L1TD1: variants seen among roughly 807,000 people sequenced by gnomAD.
L1TD1 encodes the protein LINE1 type transposase domain containing 1, also known as LINE-1 type transposase domain-containing protein 1.
Under a neutral mutation model 25.7 loss-of-function variants are expected in L1TD1, and 26 were observed. That is an observed-to-expected ratio of 1.01 (90% CI 0.74 to 1.40). The LOEUF (loss-of-function observed/expected upper bound fraction) is 1.40. L1TD1 is among the 40% of genes most tolerant of loss of function. The pLI, the probability that L1TD1 is intolerant of heterozygous loss-of-function variation, is 0.00. For missense variants in L1TD1, 1,130 were observed against 975.0 expected, an observed-to-expected ratio of 1.16 and a Z score of -2.12; for synonymous variants, 421 against 335.6, an observed-to-expected ratio of 1.25 and a Z score of -2.78.
intron 2 of L1TD1, among the ~76,000 whole-genome samples, chr1:62,204,012 C>T (rs999843066): frequency 7.9e-5 from 12 of 152,176 alleles, no homozygotes; most frequent in African/African-American, 1.7e-4. Flanking sequence ...AGATGTGAGT[C>T]GCCGTGCCTG....
At chr1:62,198,385 T>C (rs1670582842) in intron 2 of L1TD1, among the ~76,000 whole-genome samples, 1 of 150,800 alleles carries the variant, frequency 6.6e-6, no homozygotes, top group South Asian at 2.1e-4. Context: ...CACCAAACTT[T>C]GGGTGGCCTC....
intron 2 of L1TD1, among the ~76,000 whole-genome samples, chr1:62,198,188 A>T (rs1235791808): frequency 6.6e-6 from 1 of 152,148 alleles, no homozygotes; most frequent in East Asian, 1.9e-4. Context: ...CAGGCACTTT[A>T]TCTTGGTATG....
At chr1:62,208,991 G>A (rs1001714378) in intron 3 of L1TD1, among the ~76,000 whole-genome samples, 1 of 152,142 alleles carries the variant, frequency 6.6e-6, no homozygotes, top group African/African-American at 2.4e-5. Context: ...AACCTGTCTG[G>A]TGGGTTTGGG....
At position 62,207,215 on chromosome 1, in the gene L1TD1, A is replaced by C. The variant is rs1337463430; in HGVS notation, c.587A>C (p.Glu196Ala). ...GNRNVHLEFT[E>A]RESRKDGEDE... The stretch of plus-strand genomic sequence containing the variant: ...CGCAATGTCCATTTAGAATTTACAG[A>C]AAGAGAGAGTAGGAAGGATGGAGAG... Residue 196 changes from glutamate (E) to alanine (A), a missense_variant, in exon 3 of 4, where the codon GAA becomes GCA. Transcript: ENST00000498273. 7.1e-6 allele frequency: 11 copies of C among 1,551,694 alleles called. No homozygotes were observed. Among genetic ancestry groups the C allele is most frequent in the Non-Finnish European group, 9.6e-6 (11 of 1,147,034 alleles).
chr1:62,207,330 AGT>A lies in L1TD1; in HGVS notation c.705_706del (p.Leu236AspfsTer3), dbSNP rs1246089735. The A allele has an allele frequency of 3.9e-6, 6 of 1,551,156 alleles. No homozygotes were observed. Among genetic ancestry groups the A allele is most frequent in the Non-Finnish European group, 5.2e-6 (6 of 1,146,846 alleles). ...EVLKASREEK[V>X]LMDEGAVLTL... ...TTTTAAAAGCCTCCAGAGAAGAAAA[AGT>A]GTTGATGGATGAAGGAGCAGTACTT... On this transcript the variant is annotated frameshift_variant, in exon 3 of 4. Coordinates refer to ENST00000498273, the MANE Select transcript of L1TD1 (RefSeq NM_019079.5). LOFTEE classifies it high-confidence loss of function.
rs773892877 is a variant in L1TD1 at position 62,210,921 on chromosome 1, G to T, written c.2147G>T (p.Arg716Met). 4 of 1,549,716 alleles carry T rather than the reference G, an allele frequency of 2.6e-6. No individual in the cohort carries two copies. The highest frequency in any genetic ancestry group is 3.5e-6 in the Non-Finnish European group (4 of 1,146,620). Reference protein sequence around the residue: ...GIPEKESYENRAEDIIKEIID... With the variant: ...GIPEKESYENMAEDIIKEIID... ...CCAGAAAAGGAGAGTTATGAGAATA[G>T]GGCAGAGGACATAATTAAAGAAATA... is the stretch of plus-strand genomic sequence containing the variant. The change falls in exon 4 of 4, where the codon AGG (arginine) becomes ATG (methionine). Residue 716 changes from arginine to methionine, a missense_variant. Arg to Met is a moderately conservative substitution (Grantham distance 91). Coordinates refer to ENST00000498273, the MANE Select transcript of L1TD1 (RefSeq NM_019079.5).
Position 62,210,892 on chromosome 1 carries a change from A to T in L1TD1, c.2118A>T (p.Gly706=), listed in dbSNP as rs370854912. ...GAAGTTGCAACATTCGTTTGATAGG[A>T]ATTCCAGAAAAGGAGAGTTATGAGA... ...RSRSCNIRLI[G]IPEKESYENR... Residue 706 remains glycine, a synonymous_variant, in exon 4 of 4, where the codon GGA becomes GGT. Transcript: ENST00000498273. 52 of 1,551,330 alleles carry T rather than the reference A, an allele frequency of 3.4e-5. No individual in the cohort carries two copies. The highest frequency in any genetic ancestry group is 4.4e-5 in the Non-Finnish European group (51 of 1,146,948).
intron 2 of L1TD1, among the ~76,000 whole-genome samples, chr1:62,198,993 A>G (rs1421651799): frequency 2.0e-5 from 3 of 152,096 alleles, no homozygotes; most frequent in African/African-American, 7.2e-5. Context: ...AGAAGCCAGG[A>G]CGTCTGGTCC....
At position 62,210,686 on chromosome 1, in the gene L1TD1, TC is replaced by T. The variant is rs1283246339; in HGVS notation, c.1915del (p.His639IlefsTer11). 1.3e-6 allele frequency: 2 copies of T among 1,553,134 alleles called. No homozygotes were observed. The highest frequency in any genetic ancestry group is 3.9e-5 in the Admixed American group (2 of 51,032). ...IKEEIGNLKS[S>X]HSGVLEIENS... ...AGAGGAGATTGGAAATTTGAAAAGT[TC>T]CCATTCAGGTGTCTTGGAAATTGAA... On this transcript the variant is annotated frameshift_variant, in exon 4 of 4. Transcript: ENST00000498273. LOFTEE classifies it low-confidence loss of function (END_TRUNC).
chr1:62,210,239 A>G lies in L1TD1; in HGVS notation c.1465A>G (p.Thr489Ala). ...EEEEEGKSSETGKVKTTSLTE... is the reference protein window; with the variant it reads ...EEEEEGKSSEAGKVKTTSLTE... Reference sequence around the variant, plus strand: ...GGAAGAAGAAGGAAAGAGCTCTGAAACAGGAAAGGTAAAGACTACCTCCCT... The same window carrying G: ...GGAAGAAGAAGGAAAGAGCTCTGAAGCAGGAAAGGTAAAGACTACCTCCCT... Residue 489 changes from threonine to alanine, a missense_variant, in exon 4 of 4, where the codon ACA (threonine) becomes GCA (alanine). Physicochemically the swap from Thr to Ala is moderately conservative, Grantham distance 58. Transcript: ENST00000498273. 6.2e-7 allele frequency: 1 copy of G among 1,614,080 alleles called. No homozygotes were observed. The highest frequency in any genetic ancestry group is 8.5e-7 in the Non-Finnish European group (1 of 1,180,022).
chr1:62,195,756 A>C lies in L1TD1; in HGVS notation c.-204-679A>C, dbSNP rs562468202. 2.7e-5 allele frequency among the ~76,000 whole-genome samples: 4 copies of C among 150,926 alleles called. No homozygotes were observed. The Middle Eastern group carries it at 0.014, about 531-fold the overall frequency. On this transcript the variant is annotated intron_variant, in intron 1 of 3. Coordinates refer to ENST00000498273, the MANE Select transcript of L1TD1 (RefSeq NM_019079.5). The stretch of plus-strand genomic sequence containing the variant: ...AACAGGGGCGAAACTGTCTCAAATA[A>C]AAAAAGATGGAGGGCCGGGCGTGTT...
At position 62,209,905 on chromosome 1, in the gene L1TD1, A is replaced by G. The variant is rs375402338; in HGVS notation, c.1131A>G (p.Gln377=). The G allele has an allele frequency of 5.4e-4, 864 of 1,613,784 alleles. 5 individuals carry two copies. The South Asian group carries it at 8.1e-3, about 15-fold the overall frequency. The change falls in exon 4 of 4, where the codon CAA becomes CAG. Residue 377 remains glutamine (Q), a synonymous_variant. Coordinates refer to ENST00000498273, the MANE Select transcript of L1TD1 (RefSeq NM_019079.5). ...KPEEMKNLET[Q]EEEFSELEEL... ...AGGAGATGAAAAACTTAGAGACTCA[A>G]GAGGAAGAGTTTTCCGAGCTAGAGG...
At position 62,211,205 on chromosome 1, in the gene L1TD1, T is replaced by C. The variant is rs1269361928; in HGVS notation, c.2431T>C (p.Phe811Leu). 1.3e-6 allele frequency: 2 copies of C among 1,553,884 alleles called. No individual in the cohort carries two copies. Among genetic ancestry groups the C allele is most frequent in the Admixed American group, 2.0e-5 (1 of 51,072 alleles). The change falls in exon 4 of 4, where the codon TTC (phenylalanine) becomes CTC (leucine). Residue 811 changes from phenylalanine to leucine, a missense_variant. By Grantham distance (22) the Phe-to-Leu change is conservative. Coordinates refer to ENST00000498273, the MANE Select transcript of L1TD1 (RefSeq NM_019079.5). ...LDARSKWSNV[F>L]KVLLEKGFNP... is the part of the protein sequence containing the mutation. ...TGCTAGAAGTAAATGGAGCAATGTC[T>C]TCAAAGTTCTGCTGGAAAAAGGCTT...
rs769656191 is a variant in L1TD1 at position 62,210,327 on chromosome 1, C to A, written c.1553C>A (p.Ser518Tyr). The A allele has an allele frequency of 1.2e-6, 2 of 1,613,848 alleles. No individual in the cohort carries two copies. Among genetic ancestry groups the A allele is most frequent in the African/African-American group, 1.3e-5 (1 of 74,972 alleles). ...EIPFSYLVGD[S>Y]GKKKLVKHQV... ...CCCTTTAGTTATTTGGTTGGGGACT[C>A]TGGGAAGAAAAAGTTGGTGAAACAC... The change falls in exon 4 of 4, where the codon TCT becomes TAT. Residue 518 changes from serine (S) to tyrosine (Y), a missense_variant. Ser to Tyr is a moderately radical substitution (Grantham distance 144). Coordinates refer to ENST00000498273, the MANE Select transcript of L1TD1 (RefSeq NM_019079.5).
intron 2 of L1TD1, among the ~76,000 whole-genome samples, chr1:62,201,242 T>C (rs747520652): frequency 6.6e-6 from 1 of 152,150 alleles, no homozygotes; most frequent in African/African-American, 2.4e-5. Context: ...AGTACATTTA[T>C]TGTAGCGTTT....
chr1:62,197,982 T>C (rs1466588059), intron 2 of L1TD1, among the ~76,000 whole-genome samples: 1 of 152,084 alleles, frequency 6.6e-6, no homozygotes, highest in African/African-American at 2.4e-5. Context: ...AAATATGGCA[T>C]GTCACACATA....
intron 2 of L1TD1, among the ~76,000 whole-genome samples, chr1:62,197,433 A>ATATATATATATATATATATG (rs1174042182): frequency 7.2e-6 from 1 of 138,368 alleles, no homozygotes; most frequent in Admixed American, 7.3e-5. Flanking sequence ...ATATATATAT[A>ATATATATATATATATATATG]GTTTAGTCCT....
Position 62,209,836 on chromosome 1 carries a change from C to CTT in L1TD1, c.1063_1064dup (p.Leu355PhefsTer2). ...GAGCTGGAGAAATAACCAGTGATGGCTTGAGCTTCCTATTTCTTAAAGAAG... is the reference window on the plus strand; with the variant it reads ...GAGCTGGAGAAATAACCAGTGATGGCTTTTGAGCTTCCTATTTCTTAAAGAAG... On this transcript the variant is annotated frameshift_variant, in exon 4 of 4. Coordinates refer to ENST00000498273, the MANE Select transcript of L1TD1 (RefSeq NM_019079.5). LOFTEE classifies it low-confidence loss of function (END_TRUNC). The CTT allele has an allele frequency of 6.2e-7, 1 of 1,613,612 alleles. No homozygotes were observed. The highest frequency in any genetic ancestry group is 8.5e-7 in the Non-Finnish European group (1 of 1,179,856).
rs1570934024 is a variant in L1TD1 at position 62,211,658 on chromosome 1, T to C, written c.*286T>C. The C allele has an allele frequency of 3.9e-6, 1 of 258,192 alleles. No homozygotes were observed. The highest frequency in any genetic ancestry group is 7.2e-6 in the Non-Finnish European group (1 of 138,894). 16.0% of individuals were successfully genotyped at this position (258,192 alleles called of 1,614,324 possible). A position where few individuals can be genotyped will look rare whatever the true frequency, so the allele number is the denominator to read the frequency against. On this transcript the variant is annotated 3_prime_UTR_variant, in exon 4 of 4. Transcript: ENST00000498273. ...CCACCACCTCCCTACTGCAGTTGAC[T>C]AGTCTTTTTAGAATTTATATTATCT...
Sources: allele counts gnomAD v4.1 joint callset (sites outside exome capture counted in the v4.1 genomes callset), GRCh38; gene constraint gnomAD v4.1.1; transcripts MANE v1.5; gene names NCBI Gene and HGNC (gene_info 2026-07-23, HGNC 2026-07-21).